Variants in NEB observed in about 807,000 individuals in gnomAD.
NEB encodes nemaline myopathy type 2.
Under a neutral mutation model 952.2 loss-of-function variants are expected in NEB, and 512 were observed. That is an observed-to-expected ratio of 0.54 (90% CI 0.50 to 0.58). The LOEUF (loss-of-function observed/expected upper bound fraction) is 0.58. Ranked by LOEUF, NEB falls within the 20% of genes least tolerant of loss-of-function variation. The pLI, the probability that NEB is intolerant of heterozygous loss-of-function variation, is 0.00. For missense variants in NEB, 8,428 were observed against 9,231.1 expected, an observed-to-expected ratio of 0.91 and a Z score of 3.56; for synonymous variants, 2,900 against 3,149.8, an observed-to-expected ratio of 0.92 and a Z score of 2.66.
At chr2:151,559,732 T>C (rs1329807121) in intron 124 of NEB, among the ~76,000 whole-genome samples, 1 of 151,850 alleles carries the variant, frequency 6.6e-6, no homozygotes, top group African/African-American at 2.4e-5. Context: ...TAAGTGGGGG[T>C]TGAACAGTGA....
chr2:151,551,688 G>C, intron 129 of NEB, 50 bp downstream of exon 129: 1 of 1,404,490 alleles, frequency 7.1e-7, no homozygotes, highest in Non-Finnish European at 1.0e-6. Context: ...CTTCCACAGA[G>C]GCTGATGGAA....
chr2:151,639,440 G>T, intron 62 of NEB, 56 bp from the exon 63 acceptor site: 1 of 1,241,614 alleles, frequency 8.1e-7, no homozygotes, highest in Non-Finnish European at 1.1e-6. Context: ...ATAGTTAATA[G>T]GAATTTTAGG....
At chr2:151,498,748 C>A (rs143622692) in intron 169 of NEB, among the ~76,000 whole-genome samples, 1 of 152,086 alleles carries the variant, frequency 6.6e-6, no homozygotes, top group Non-Finnish European at 1.5e-5. Flanking sequence ...TTGGGTTTTA[C>A]AAACATTGTG....
At chr2:151,605,292 T>A (rs1330596178) in intron 84 of NEB, among the ~76,000 whole-genome samples, 2 of 130,136 alleles carry the variant, frequency 1.5e-5, no homozygotes, top group Non-Finnish European at 3.5e-5. Context: ...TATTAACATA[T>A]ATTCCAGATG....
chr2:151,571,166 C>T (rs2096616290), intron 107 of NEB, among the ~76,000 whole-genome samples: 1 of 152,102 alleles, frequency 6.6e-6, no homozygotes, highest in African/African-American at 2.4e-5. Flanking sequence ...CCACCAGGCC[C>T]AGCTAATTTT....
intron 51 of NEB, among the ~76,000 whole-genome samples, chr2:151,654,995 C>T: frequency 6.6e-6 from 1 of 152,078 alleles, no homozygotes; most frequent in Non-Finnish European, 1.5e-5. Context: ...CTGTTTGATG[C>T]AATTTTTTTT....
rs752462184 is a variant in NEB, at chr2:151,666,293, A to G, written c.4828T>C (p.Ser1610Pro). Residue 1610 changes from serine (S) to proline (P), a missense_variant, in exon 41 of 182, where the codon TCT (serine) becomes CCT (proline). Coordinates refer to ENST00000397345, the MANE Select transcript of NEB (RefSeq NM_001164508.2). The part of the protein sequence containing the change: ...VHYMNVAKIQ[S>P]DREYKKGYEA... ...TAGCCCTTTTTGTACTCACGATCAG[A>G]CTGGATTTTGGCCACATTCATGTAG... 1.1e-5 allele frequency: 17 copies of G among 1,613,770 alleles called. No homozygotes were observed. In the South Asian group the frequency reaches 1.8e-4, roughly 17 times the overall value.
chr2:151,730,209 T>G (rs1227100906), intron 3 of NEB, among the ~76,000 whole-genome samples: 1 of 151,980 alleles, frequency 6.6e-6, no homozygotes, highest in Non-Finnish European at 1.5e-5. Context: ...TCTTCTGGAG[T>G]GATGGGTGAG....
rs936549495 is a variant in NEB at position 151,666,180 on chromosome 2, G to A, written c.4941C>T (p.Ala1647=). 40 of 1,613,812 alleles carry A rather than the reference G, an allele frequency of 2.5e-5. No individual in the cohort carries two copies. The highest frequency in any genetic ancestry group is 3.3e-5 in the Non-Finnish European group (39 of 1,179,838). The change falls in exon 41 of 182, where the codon GCC becomes GCT. Residue 1647 remains alanine (A), a synonymous_variant. Coordinates refer to ENST00000397345, the MANE Select transcript of NEB (RefSeq NM_001164508.2). ...AGTGGTGGTATGACTGTCTGTAGTT[G>A]GCGTTGGTGGCAACCTCCTGAGATT... ...AKKSQEVATN[A]NYRQSYHHYT...
At chr2:151,519,136 AAGTGAGAT>A (rs144875348) in intron 154 of NEB, 67 bp from the exon 155 acceptor site, 21,452 of 1,008,768 alleles carry the variant, frequency 0.021, 294 homozygotes, top group African/African-American at 0.047. Flanking sequence ...ATGGAAATCA[AAGTGAGAT>A]AGCCCATCGT....
chr2:151,666,458 T>A, intron 40 of NEB, 57 bp from the exon 41 acceptor site: 1 of 1,513,310 alleles, frequency 6.6e-7, no homozygotes, highest in South Asian at 1.2e-5. Context: ...TGATATAAAC[T>A]GAATTTATAC....
chr2:151,545,012 A>G (rs2094509988), intron 135 of NEB, among the ~76,000 whole-genome samples: 1 of 152,264 alleles, frequency 6.6e-6, no homozygotes, highest in African/African-American at 2.4e-5. Context: ...TATGGGACAC[A>G]TGTAAATAAC....
At chr2:151,507,057 TTTG>T (rs1559348500) in intron 162 of NEB, 44 bp from the exon 163 acceptor site, 1 of 1,188,768 alleles carries the variant, frequency 8.4e-7, no homozygotes, top group East Asian at 2.3e-5. Context: ...TCAACATTGC[TTTG>T]TTTTCTTTAT....
intron 135 of NEB, among the ~76,000 whole-genome samples, chr2:151,542,305 C>T (rs909368355): frequency 2.0e-5 from 3 of 152,090 alleles, no homozygotes; most frequent in Admixed American, 6.6e-5. Flanking sequence ...TACATTCTCC[C>T]GGGGTGATCT....
chr2:151,537,143 G>C lies in NEB; in HGVS notation c.21196C>G (p.Leu7066Val), dbSNP rs1428589113. 1 of 1,608,552 alleles carries C rather than the reference G, an allele frequency of 6.2e-7. No individual in the cohort carries two copies. The highest frequency in any genetic ancestry group is 1.1e-5 in the South Asian group (1 of 90,904). Residue 7066 changes from leucine (L) to valine (V), a missense_variant, in exon 141 of 182, where the codon CTC becomes GTC. Leu to Val is a conservative substitution (Grantham distance 32). Around this residue, in one of 11 missense-constraint regions of NEB, gnomAD observed 3,374 missense variants for 3,651.5 expected, o/e 0.92. Coordinates refer to ENST00000397345, the MANE Select transcript of NEB (RefSeq NM_001164508.2). ...TTGAGTATATATACCTTGCTGTAGAGAGTCTTGTTCTTTTCAGCCAGAGTG... is the reference window on the plus strand; with the variant it reads ...TTGAGTATATATACCTTGCTGTAGACAGTCTTGTTCTTTTCAGCCAGAGTG... ...DFTLAEKNKT[L>V]YSKYKYKEVF...
chr2:151,716,023 G>T (rs372371053), intron 10 of NEB: 2 of 285,054 alleles, frequency 7.0e-6, no homozygotes, highest in Admixed American at 4.4e-5. Flanking sequence ...TTTAAAAATA[G>T]ATTCCTTTTT....
Position 151,643,309 on chromosome 2 carries a change from C to A in NEB, c.8001G>T (p.Trp2667Cys), listed in dbSNP as rs1386672737. ...CATCCTCGAGAGAACCACTAGTCAT[C>A]CAGCCAATGCCTTTTAGCCACTGAA... is the stretch of plus-strand genomic sequence containing the variant. ...SDLQWLKGIGWMTSGSLEDEK... is the reference protein window; with the variant it reads ...SDLQWLKGIGCMTSGSLEDEK... The change falls in exon 58 of 182, where the codon TGG becomes TGT. Residue 2667 changes from tryptophan to cysteine, a missense_variant. Trp to Cys is a radical substitution (Grantham distance 215, BLOSUM62 -2). Coordinates refer to ENST00000397345, the MANE Select transcript of NEB (RefSeq NM_001164508.2). The A allele has an allele frequency of 6.2e-7, 1 of 1,613,724 alleles. No individual in the cohort carries two copies. Among genetic ancestry groups the A allele is most frequent in the Non-Finnish European group, 8.5e-7 (1 of 1,179,830 alleles).
intron 138 of NEB, among the ~76,000 whole-genome samples, chr2:151,538,980 G>C (rs552459382): frequency 7.6e-4 from 116 of 152,238 alleles, no homozygotes; most frequent in African/African-American, 2.7e-3. Context: ...TTGTAATTTT[G>C]TTTTTTAGAT....
chr2:151,653,107 T>C (rs1214553872), intron 52 of NEB, among the ~76,000 whole-genome samples: 1 of 152,206 alleles, frequency 6.6e-6, no homozygotes, highest in Non-Finnish European at 1.5e-5. Flanking sequence ...TTTTTAGGCA[T>C]TCCTTTCCTG....
Sources: allele counts gnomAD v4.1 joint callset (sites outside exome capture counted in the v4.1 genomes callset), GRCh38; gene constraint gnomAD v4.1.1; regional missense constraint gnomAD v4.1.1; transcripts MANE v1.5; gene names NCBI Gene and HGNC (gene_info 2026-07-23, HGNC 2026-07-21).